NKAIN2: variants seen among roughly 807,000 people sequenced by gnomAD.
The protein encoded by NKAIN2 is sodium/potassium transporting ATPase interacting 2, also known as sodium/potassium-transporting ATPase subunit beta-1-interacting protein 2.
Under a neutral mutation model 32.6 loss-of-function variants are expected in NKAIN2, and 14 were observed. The observed-to-expected ratio is 0.43, with a 90% confidence interval of 0.28 to 0.67. NKAIN2 has a LOEUF of 0.67. Ranked by LOEUF, NKAIN2 falls within the 30% of genes least tolerant of loss-of-function variation. NKAIN2 has a pLI of 0.17. For missense variants in NKAIN2, 198 were observed against 258.3 expected (o/e 0.77, Z 1.60); for synonymous variants, 80 against 87.2 (o/e 0.92, Z 0.46).
chr6:124,222,642 A>G (rs1791894315), intron 1 of NKAIN2, among the ~76,000 whole-genome samples: 1 of 152,046 alleles, frequency 6.6e-6, no homozygotes, highest in Non-Finnish European at 1.5e-5. Flanking sequence ...CCAGAACAGA[A>G]CTCTGGTCAC....
chr6:123,824,091 A>G (rs927025467), intron 1 of NKAIN2, among the ~76,000 whole-genome samples: 2 of 152,156 alleles, frequency 1.3e-5, no homozygotes, highest in Non-Finnish European at 2.9e-5. Context: ...TGTAACTGAA[A>G]GTACTTATTT....
At chr6:124,003,122 T>C (rs1779943417) in intron 1 of NKAIN2, among the ~76,000 whole-genome samples, 4 of 152,202 alleles carry the variant, frequency 2.6e-5, no homozygotes, top group Admixed American at 2.6e-4. Flanking sequence ...CGATGTTTTA[T>C]AAGTTAAAAG....
In NKAIN2 at chr6:124,371,375, T is replaced by G. The variant is rs1799752879; in HGVS notation, c.273+16028T>G. On this transcript the variant is annotated intron_variant, in intron 3 of 6. Coordinates refer to ENST00000368417, the MANE Select transcript of NKAIN2 (RefSeq NM_001040214.3). ...ATTCTTAGTCTGTGACTAATTCCATTGTTTATTAATTCCATTGTTTTTTAA... is the reference window on the plus strand; with the variant it reads ...ATTCTTAGTCTGTGACTAATTCCATGGTTTATTAATTCCATTGTTTTTTAA... Among the ~76,000 whole-genome samples the G allele has an allele frequency of 4.0e-5, 6 of 151,874 alleles. No homozygotes were observed. The South Asian group carries it at 1.2e-3, about 32-fold the overall frequency.
chr6:124,211,502 T>C (rs562588907), intron 1 of NKAIN2, among the ~76,000 whole-genome samples: 1 of 151,972 alleles, frequency 6.6e-6, no homozygotes, highest in South Asian at 2.1e-4. Context: ...AGTTTGACAG[T>C]AGAGAGAAGA....
intron 1 of NKAIN2, among the ~76,000 whole-genome samples, chr6:124,221,615 G>A (rs921506165): frequency 1.3e-5 from 2 of 152,100 alleles, no homozygotes; most frequent in African/African-American, 4.8e-5. Flanking sequence ...TTACCAGTAA[G>A]AGTTGTTGTT....
chr6:124,729,711 C>A lies in NKAIN2; in HGVS notation c.475-61628C>A, dbSNP rs547412580. 5.9e-4 allele frequency among the ~76,000 whole-genome samples: 89 copies of A among 150,242 alleles called. 1 individual carries two copies. The highest frequency in any genetic ancestry group is 1.9e-3 in the African/African-American group (78 of 41,094). ...ATAGTGTTGGAAGTTCTGGCCAGGG[C>A]AATTAGGCAGGAGAAGGAAATAAAG... On this transcript the variant is annotated intron_variant, in intron 4 of 6. Coordinates refer to ENST00000368417, the MANE Select transcript of NKAIN2 (RefSeq NM_001040214.3).
intron 1 of NKAIN2, among the ~76,000 whole-genome samples, chr6:124,083,876 G>A (rs1312171624): frequency 1.3e-5 from 2 of 151,906 alleles, no homozygotes; most frequent in Non-Finnish European, 2.9e-5. Flanking sequence ...TCATGGAATT[G>A]CAAATTCCAG....
chr6:123,893,281 G>C (rs1204987537), intron 1 of NKAIN2, among the ~76,000 whole-genome samples: 1 of 152,110 alleles, frequency 6.6e-6, no homozygotes, highest in Non-Finnish European at 1.5e-5. Context: ...TTTCATTGTA[G>C]CCTTGAATTG....
intron 1 of NKAIN2, among the ~76,000 whole-genome samples, chr6:124,028,884 TGTGTATATATATATATATACAC>T (rs1354691304): frequency 1.4e-4 from 4 of 29,116 alleles, no homozygotes; most frequent in African/African-American, 5.3e-4. Context: ...TGTATATATA[TGTGTATATATATATATATACAC>T]ATATATGTAT....
At position 124,625,639 on chromosome 6, in the gene NKAIN2, A is replaced by AAGTT. The variant is rs569452679; in HGVS notation, c.274-32545_274-32542dup. Among the ~76,000 whole-genome samples the AAGTT allele has an allele frequency of 3.5e-4, 54 of 152,270 alleles. No homozygotes were observed. The East Asian group carries it at 5.6e-3, about 16-fold the overall frequency. On this transcript the variant is annotated intron_variant, in intron 3 of 6. Coordinates refer to ENST00000368417, the MANE Select transcript of NKAIN2 (RefSeq NM_001040214.3). ...CTTACTTCACTTTTTACAATGTAAA[A>AAGTT]AGTTATTATGAAAGGAGGAGAGAAG...
At chr6:124,453,768 G>A (rs1245130889) in intron 3 of NKAIN2, among the ~76,000 whole-genome samples, 3 of 152,038 alleles carry the variant, frequency 2.0e-5, no homozygotes, top group Non-Finnish European at 4.4e-5. Context: ...ATTAGTAGAT[G>A]AGAGGTATAG....
At chr6:124,507,228 A>G (rs72971784) in intron 3 of NKAIN2, among the ~76,000 whole-genome samples, 2 of 152,302 alleles carry the variant, frequency 1.3e-5, no homozygotes, top group Non-Finnish European at 2.9e-5. Flanking sequence ...TGTGGGGCAT[A>G]TTATTCTTTG....
chr6:124,510,185 A>ATGTT (rs1340719068), intron 3 of NKAIN2, among the ~76,000 whole-genome samples: 2 of 152,026 alleles, frequency 1.3e-5, no homozygotes, highest in African/African-American at 2.4e-5. Context: ...TTTACATCGA[A>ATGTT]TGTTGGATTT....
At chr6:124,139,108 G>A (rs1396271066) in intron 1 of NKAIN2, among the ~76,000 whole-genome samples, 9 of 48,362 alleles carry the variant, frequency 1.9e-4, no homozygotes, top group Non-Finnish European at 2.6e-4. Flanking sequence ...TTGAGACGGA[G>A]TCTCGCTCTG....
At chr6:124,077,205 A>G (rs1783734384) in intron 1 of NKAIN2, among the ~76,000 whole-genome samples, 1 of 152,210 alleles carries the variant, frequency 6.6e-6, no homozygotes, top group Non-Finnish European at 1.5e-5. Flanking sequence ...GGAATACATT[A>G]GGACAATTTG....
chr6:124,532,973 T>C (rs2114825125), intron 3 of NKAIN2, among the ~76,000 whole-genome samples: 2 of 152,276 alleles, frequency 1.3e-5, no homozygotes, highest in South Asian at 4.1e-4. Flanking sequence ...CTGGGTTTGC[T>C]TCCTGGTGAT....
chr6:124,435,753 A>T (rs332623), intron 3 of NKAIN2, among the ~76,000 whole-genome samples: 11 of 151,942 alleles, frequency 7.2e-5, no homozygotes, highest in Non-Finnish European at 1.5e-4. Flanking sequence ...GATCAAAATA[A>T]TAACAAAGTG....
chr6:124,198,718 G>T (rs759845636), intron 1 of NKAIN2, among the ~76,000 whole-genome samples: 22 of 151,998 alleles, frequency 1.4e-4, no homozygotes, highest in Non-Finnish European at 2.6e-4. Context: ...CCCCACAGCT[G>T]CTCATTCTGC....
chr6:123,834,155 TTTAG>T (rs1334389926), intron 1 of NKAIN2, among the ~76,000 whole-genome samples: 4 of 152,196 alleles, frequency 2.6e-5, no homozygotes, highest in Non-Finnish European at 4.4e-5. Flanking sequence ...GAGTTTTTTA[TTTAG>T]TTAGTTATTT....
Sources: gnomAD v4.1 joint callset for allele counts (sites outside exome capture counted in the v4.1 genomes callset) on GRCh38, gnomAD v4.1.1 for gene constraint, MANE v1.5 for transcripts, NCBI Gene and HGNC (gene_info 2026-07-23, HGNC 2026-07-21) for gene names.